The following FRMD5 variants were observed in gnomAD, a reference collection of about 807,000 sequenced individuals.
FRMD5 encodes the protein FERM domain-containing protein 5.
A neutral mutation model predicts 69.0 loss-of-function variants in FRMD5; 20 were observed. The observed-to-expected ratio is 0.29, with a 90% confidence interval of 0.20 to 0.42. The LOEUF (loss-of-function observed/expected upper bound fraction) is 0.42, where lower values mean the gene tolerates loss of function less well. Ranked by LOEUF, FRMD5 falls within the 10% of genes least tolerant of loss-of-function variation. The pLI is 1.00. For synonymous variants in FRMD5, 271 were observed against 260.1 expected (o/e 1.04, Z -0.40); for missense variants, 595 against 708.6 (o/e 0.84, Z 1.82).
At chr15:44,091,955 T>A (rs2076479584) in intron 1 of FRMD5, among the ~76,000 whole-genome samples, 1 of 152,118 alleles carries the variant, frequency 6.6e-6, no homozygotes, top group East Asian at 1.9e-4. Context: ...CTACATGAAA[T>A]ATAAACAGAG....
chr15:44,131,333 C>A (rs2077094216), intron 1 of FRMD5, among the ~76,000 whole-genome samples: 2 of 151,596 alleles, frequency 1.3e-5, no homozygotes, highest in East Asian at 1.9e-4. Context: ...AAAATGGAAC[C>A]CCTATAAACG....
At chr15:43,883,647 G>A in intron 13 of FRMD5, 56 bp downstream of exon 13, 1 of 1,270,228 alleles carries the variant, frequency 7.9e-7, no homozygotes, top group Non-Finnish European at 1.1e-6. Flanking sequence ...TCTTTTCAAG[G>A]TCCCAGATCA....
At chr15:43,884,040 T>C (rs1239569138) in intron 12 of FRMD5, among the ~76,000 whole-genome samples, 1 of 152,184 alleles carries the variant, frequency 6.6e-6, no homozygotes, top group East Asian at 1.9e-4. Flanking sequence ...GAACCTTTTT[T>C]TTAGTGTGGC....
intron 1 of FRMD5, among the ~76,000 whole-genome samples, chr15:43,945,502 A>G (rs751197881): frequency 1.2e-4 from 19 of 152,176 alleles, no homozygotes; most frequent in Non-Finnish European, 2.5e-4. Context: ...AATTACTTTT[A>G]CTTGTTACAG....
At chr15:43,889,794 C>T (rs1047068479) in intron 8 of FRMD5, among the ~76,000 whole-genome samples, 2 of 152,204 alleles carry the variant, frequency 1.3e-5, no homozygotes, top group African/African-American at 2.4e-5. Flanking sequence ...GTCTCTCAGC[C>T]CTCTCCATGT....
intron 1 of FRMD5, among the ~76,000 whole-genome samples, chr15:44,050,008 C>T (rs1892588602): frequency 6.6e-6 from 1 of 152,084 alleles, no homozygotes; most frequent in Non-Finnish European, 1.5e-5. Context: ...TACAAGTAAC[C>T]TTCCTGACCC....
chr15:43,921,253 C>A (rs899367257), intron 2 of FRMD5, among the ~76,000 whole-genome samples: 1 of 152,198 alleles, frequency 6.6e-6, no homozygotes, highest in East Asian at 1.9e-4. Flanking sequence ...GTGAGGAGAA[C>A]ATAGCCAGTG....
At chr15:44,089,600 G>A (rs144697079) in intron 1 of FRMD5, among the ~76,000 whole-genome samples, 2 of 152,202 alleles carry the variant, frequency 1.3e-5, no homozygotes, top group Admixed American at 6.5e-5. Context: ...GTATTTGGGA[G>A]GCTGAGGTGG....
chr15:44,134,128 T>G lies in FRMD5; in HGVS notation c.102+60825A>C, dbSNP rs550052555. On this transcript the variant is annotated intron_variant, in intron 1 of 13. Transcript: ENST00000417257. The stretch of plus-strand genomic sequence containing the variant: ...GCAAAAGACTGGCAAATACTTTGTT[T>G]TTTTTTTTGAGACAGGGTCTCACTC... Among the ~76,000 whole-genome samples the G allele has an allele frequency of 3.3e-5, 5 of 151,816 alleles. No individual in the cohort carries two copies. The East Asian group carries it at 9.7e-4, about 29-fold the overall frequency.
chr15:43,903,106 C>T (rs1346624772), intron 6 of FRMD5, among the ~76,000 whole-genome samples: 1 of 152,256 alleles, frequency 6.6e-6, no homozygotes. Context: ...CTTCCCACTG[C>T]CTCTTTAGCA....
intron 1 of FRMD5, among the ~76,000 whole-genome samples, chr15:44,032,963 G>A (rs776313344): frequency 2.0e-5 from 3 of 152,096 alleles, no homozygotes; most frequent in African/African-American, 4.8e-5. Context: ...CAACCTAAAT[G>A]CCCATCAATG....
intron 1 of FRMD5, among the ~76,000 whole-genome samples, chr15:44,119,497 A>G (rs1566955695): frequency 6.6e-6 from 1 of 152,156 alleles, no homozygotes; most frequent in Non-Finnish European, 1.5e-5. Flanking sequence ...CTGGTGCTTA[A>G]AATTCCCCAA....
At chr15:44,063,838 A>G (rs1893197461) in intron 1 of FRMD5, 1 of 278,090 alleles carries the variant, frequency 3.6e-6, no homozygotes, top group Non-Finnish European at 7.0e-6. Context: ...GAAGGCTGGG[A>G]CTCATTTAGA....
At chr15:44,070,319 A>G (rs1385722813) in intron 1 of FRMD5, among the ~76,000 whole-genome samples, 1 of 151,988 alleles carries the variant, frequency 6.6e-6, no homozygotes, top group African/African-American at 2.4e-5. Flanking sequence ...TAAAATAAAA[A>G]TAAGAAAAAA....
intron 1 of FRMD5, among the ~76,000 whole-genome samples, chr15:44,022,872 C>G (rs897792865): frequency 2.0e-5 from 3 of 152,094 alleles, no homozygotes; most frequent in African/African-American, 7.2e-5. Flanking sequence ...TTCATATAGT[C>G]AAGTAACTAT....
At chr15:44,129,976 C>A (rs998291255) in intron 1 of FRMD5, among the ~76,000 whole-genome samples, 1 of 152,144 alleles carries the variant, frequency 6.6e-6, no homozygotes, top group African/African-American at 2.4e-5. Flanking sequence ...GGAAGGCCAA[C>A]CAAGGACCTC....
intron 1 of FRMD5, among the ~76,000 whole-genome samples, chr15:44,073,491 T>C (rs1893626773): frequency 6.6e-6 from 1 of 152,168 alleles, no homozygotes; most frequent in Admixed American, 6.5e-5. Flanking sequence ...ACAATCAAAT[T>C]ATACTGACTA....
intron 1 of FRMD5, among the ~76,000 whole-genome samples, chr15:43,935,746 C>T (rs535771266): frequency 1.3e-5 from 2 of 152,138 alleles, no homozygotes; most frequent in South Asian, 4.1e-4. Flanking sequence ...TCCCTGAGGC[C>T]TCTGGCGCAT....
chr15:43,906,664 C>G (rs552660182), intron 5 of FRMD5, among the ~76,000 whole-genome samples: 63 of 151,614 alleles, frequency 4.2e-4, no homozygotes, highest in African/African-American at 1.5e-3. Context: ...TGCAGTGGTG[C>G]GATCTTGGCT....
Sources: allele counts gnomAD v4.1 joint callset (sites outside exome capture counted in the v4.1 genomes callset), GRCh38; gene constraint gnomAD v4.1.1; transcripts MANE v1.5; gene names NCBI Gene and HGNC (gene_info 2026-07-23, HGNC 2026-07-21).